Variants in UBTD2 observed in about 807,000 individuals in gnomAD.
UBTD2 encodes ubiquitin domain-containing protein 2.
A neutral mutation model predicts 19.8 loss-of-function variants in UBTD2; 9 were observed. That is an observed-to-expected ratio of 0.46 (90% CI 0.27 to 0.79). UBTD2 has a LOEUF of 0.79. Ranked by LOEUF, UBTD2 falls within the 30% of genes least tolerant of loss-of-function variation. UBTD2 has a pLI of 0.14. For missense variants in UBTD2, 250 were observed against 300.4 expected, an observed-to-expected ratio of 0.83 and a Z score of 1.24; for synonymous variants, 98 against 103.9, an observed-to-expected ratio of 0.94 and a Z score of 0.35.
At chr5:172,249,138 C>T (rs927748312) in intron 1 of UBTD2, among the ~76,000 whole-genome samples, 4 of 152,036 alleles carry the variant, frequency 2.6e-5, no homozygotes, top group Non-Finnish European at 5.9e-5. Flanking sequence ...TGGCTCACAC[C>T]TGTAATCCCA....
At chr5:172,231,265 A>G (rs1386267522) in intron 2 of UBTD2, among the ~76,000 whole-genome samples, 3 of 152,272 alleles carry the variant, frequency 2.0e-5, no homozygotes, top group Non-Finnish European at 4.4e-5. Flanking sequence ...TATGAACAAA[A>G]GAAGTCAATC....
Position 172,283,420 on chromosome 5 carries a change from G to C in UBTD2, c.70+176C>G, listed in dbSNP as rs923467991. On this transcript the variant is annotated intron_variant, in intron 1 of 2. Transcript: ENST00000393792. This position sits in a 1 kb window ranked among gnomAD's most constrained non-coding sequence, Gnocchi z 4.3. ...GGACTTTTCTTCAGGGCTGGGGCGGGAAGGGGCGACCCCCGCGGCTGGCAG... is the reference window on the plus strand; with the variant it reads ...GGACTTTTCTTCAGGGCTGGGGCGGCAAGGGGCGACCCCCGCGGCTGGCAG... Among the ~76,000 whole-genome samples, 46 of 152,170 alleles carry C rather than the reference G, an allele frequency of 3.0e-4. No homozygotes were observed. Among genetic ancestry groups the C allele is most frequent in the Non-Finnish European group, 5.3e-4 (36 of 68,022 alleles).
chr5:172,282,788 A>G (rs2113151918), intron 1 of UBTD2, among the ~76,000 whole-genome samples: 1 of 152,310 alleles, frequency 6.6e-6, no homozygotes, highest in East Asian at 1.9e-4. Context: ...TATCCTCAGC[A>G]CGCTTTTACT....
chr5:172,234,210 G>T lies in UBTD2; in HGVS notation c.219C>A (p.Ala73=). Residue 73 remains alanine (A), a synonymous_variant, in exon 2 of 3, where the codon GCC becomes GCA. Transcript: ENST00000393792. Reference sequence around the variant, plus strand: ...CAAAAGCATGTGCAGCAGCCTTCAAGGCATCCCAAATCTCTTTCCGGCCTT... The same window carrying T: ...CAAAAGCATGTGCAGCAGCCTTCAATGCATCCCAAATCTCTTTCCGGCCTT... The part of the protein sequence containing the change: ...AFEGRKEIWD[A]LKAAAHAFES... 1 of 1,614,140 alleles carries T rather than the reference G, an allele frequency of 6.2e-7. No homozygotes were observed. Among genetic ancestry groups the T allele is most frequent in the Non-Finnish European group, 8.5e-7 (1 of 1,180,034 alleles).
chr5:172,279,884 G>T (rs1755674556), intron 1 of UBTD2, among the ~76,000 whole-genome samples: 1 of 152,138 alleles, frequency 6.6e-6, no homozygotes, highest in Non-Finnish European at 1.5e-5. Flanking sequence ...GGTGGCTCAC[G>T]TGAAGTCAGG....
At chr5:172,257,672 T>C (rs1273771799) in intron 1 of UBTD2, among the ~76,000 whole-genome samples, 2 of 152,226 alleles carry the variant, frequency 1.3e-5, no homozygotes, top group Admixed American at 6.5e-5. Context: ...TCATCCTGAT[T>C]GGTGTGATAG....
intron 1 of UBTD2, among the ~76,000 whole-genome samples, chr5:172,277,181 T>C (rs1483488862): frequency 6.6e-6 from 1 of 151,980 alleles, no homozygotes; most frequent in South Asian, 2.1e-4. Context: ...GTTAACTGAA[T>C]TGTCAACTTC....
intron 2 of UBTD2, among the ~76,000 whole-genome samples, chr5:172,226,290 A>G (rs531763785): frequency 1.3e-4 from 20 of 152,020 alleles, no homozygotes; most frequent in African/African-American, 4.8e-4. Flanking sequence ...AGAGGGACAT[A>G]AGACTCCAGG....
intron 2 of UBTD2, among the ~76,000 whole-genome samples, chr5:172,216,562 G>C (rs1016320828): frequency 8.3e-6 from 1 of 120,446 alleles, no homozygotes; most frequent in African/African-American, 3.3e-5. Flanking sequence ...AGGCCAGCTT[G>C]GGCAACATAG....
At chr5:172,215,556 C>T (rs1371499838) in intron 2 of UBTD2, among the ~76,000 whole-genome samples, 1 of 152,118 alleles carries the variant, frequency 6.6e-6, no homozygotes, top group Non-Finnish European at 1.5e-5. Flanking sequence ...CAAAAAATTA[C>T]AAGATGTACC....
At chr5:172,246,441 CTTTTTTT>C (rs36037402) in intron 1 of UBTD2, among the ~76,000 whole-genome samples, 2 of 85,072 alleles carry the variant, frequency 2.4e-5, no homozygotes, top group East Asian at 4.0e-4. Flanking sequence ...ATTGAGATTG[CTTTTTTT>C]TTTTTTTTTT....
intron 1 of UBTD2, among the ~76,000 whole-genome samples, chr5:172,244,878 G>A (rs1421761938): frequency 6.6e-6 from 1 of 151,904 alleles, no homozygotes; most frequent in Non-Finnish European, 1.5e-5. Context: ...ACAGGCACCT[G>A]CCACCACGCC....
At chr5:172,244,884 A>G (rs1372925532) in intron 1 of UBTD2, among the ~76,000 whole-genome samples, 2 of 151,274 alleles carry the variant, frequency 1.3e-5, no homozygotes, top group African/African-American at 4.9e-5. Context: ...ACCTGCCACC[A>G]CGCCCGGCTA....
intron 2 of UBTD2, among the ~76,000 whole-genome samples, chr5:172,214,025 T>A (rs1284021585): frequency 6.6e-5 from 10 of 152,242 alleles, no homozygotes; most frequent in Non-Finnish European, 1.2e-4. Context: ...ACCTAGGTGA[T>A]CTGCTCGCCT....
chr5:172,254,567 T>C lies in UBTD2; in HGVS notation c.71-20209A>G, dbSNP rs975706167. 7.9e-6 allele frequency: 5 copies of C among 633,622 alleles called. No individual in the cohort carries two copies. The Admixed American group carries it at 1.1e-4, about 15-fold the overall frequency. 39.2% of individuals were successfully genotyped at this position (633,622 alleles called of 1,614,324 possible). ...ATTTGTAGGGTTTTTCTGTGTGTCG[T>C]CTTCTGTGTGCTTTCAAGTGGGAGC... On this transcript the variant is annotated intron_variant, in intron 1 of 2. Transcript: ENST00000393792.
chr5:172,254,231 C>G (rs1755093488), intron 1 of UBTD2, among the ~76,000 whole-genome samples: 1 of 152,152 alleles, frequency 6.6e-6, no homozygotes, highest in African/African-American at 2.4e-5. Flanking sequence ...TCCCAAGTAG[C>G]TGGGATTACA....
At chr5:172,236,817 C>A (rs1772019757) in intron 1 of UBTD2, among the ~76,000 whole-genome samples, 2 of 152,082 alleles carry the variant, frequency 1.3e-5, no homozygotes, top group Non-Finnish European at 2.9e-5. Flanking sequence ...TGGACAAAAA[C>A]AACAAAACCT....
At chr5:172,252,400 C>T (rs563473239) in intron 1 of UBTD2, 16 of 152,134 alleles carry the variant, frequency 1.1e-4, no homozygotes, top group Non-Finnish European at 2.1e-4. Flanking sequence ...ACATGATGCC[C>T]AGGGGACTGA....
intron 2 of UBTD2, among the ~76,000 whole-genome samples, chr5:172,222,743 G>A (rs1273752270): frequency 1.3e-5 from 2 of 152,196 alleles, no homozygotes; most frequent in African/African-American, 4.8e-5. Flanking sequence ...ATGGGATCTT[G>A]TTGAAGTAGA....
Sources: allele counts gnomAD v4.1 joint callset (sites outside exome capture counted in the v4.1 genomes callset), GRCh38; gene constraint gnomAD v4.1.1; non-coding constraint Gnocchi (gnomAD v3.1); transcripts MANE v1.5; gene names NCBI Gene and HGNC (gene_info 2026-07-23, HGNC 2026-07-21).